Variants in CAT observed in about 807,000 individuals in gnomAD.
CAT encodes catalase.
A neutral mutation model predicts 59.0 loss-of-function variants in CAT; 43 were observed. That is an observed-to-expected ratio of 0.73 (90% CI 0.57 to 0.94). CAT has a LOEUF of 0.94. Ranked by LOEUF, CAT falls within the 40% of genes least tolerant of loss-of-function variation. CAT has a pLI of 0.00. For missense variants in CAT, 664 were observed against 682.9 expected (o/e 0.97, Z 0.31); for synonymous variants, 218 against 230.9 (o/e 0.94, Z 0.51).
intron 1 of CAT, among the ~76,000 whole-genome samples, chr11:34,445,845 T>C (rs1856447728): frequency 6.6e-6 from 1 of 152,224 alleles, no homozygotes; most frequent in South Asian, 2.1e-4. Flanking sequence ...ACGTGTTACA[T>C]GTAACAAGTA....
In CAT at chr11:34,452,100, A is replaced by G; in HGVS notation, c.373A>G (p.Thr125Ala). The G allele has an allele frequency of 1.9e-6, 3 of 1,613,934 alleles. No homozygotes were observed. Among genetic ancestry groups the G allele is most frequent in the Non-Finnish European group, 2.5e-6 (3 of 1,179,832 alleles). Residue 125 changes from threonine (T) to alanine (A), a missense_variant, in exon 4 of 13, where the codon ACA (threonine) becomes GCA (alanine). Coordinates refer to ENST00000241052, the MANE Select transcript of CAT (RefSeq NM_001752.4). ...TVAGESGSAD[T>A]VRDPRGFAVK... Reference sequence around the variant, plus strand: ...AGCTGGAGAATCGGGTTCAGCTGACACAGTTCGGGACCCTCGTGGGTTTGC... The same window carrying G: ...AGCTGGAGAATCGGGTTCAGCTGACGCAGTTCGGGACCCTCGTGGGTTTGC...
chr11:34,458,951 A>G (rs1307414008), intron 8 of CAT, among the ~76,000 whole-genome samples: 1 of 152,224 alleles, frequency 6.6e-6, no homozygotes, highest in Non-Finnish European at 1.5e-5. Flanking sequence ...TTCTGTTAGT[A>G]TTAATTTTAG....
At chr11:34,455,616 A>G (rs568762341) in intron 6 of CAT, among the ~76,000 whole-genome samples, 2 of 152,140 alleles carry the variant, frequency 1.3e-5, no homozygotes, top group African/African-American at 2.4e-5. Flanking sequence ...CTGTCATGAA[A>G]TGGAATTAAA....
chr11:34,440,297 TTC>T (rs1856373447), intron 1 of CAT, among the ~76,000 whole-genome samples: 2 of 152,220 alleles, frequency 1.3e-5, no homozygotes, highest in Admixed American at 1.3e-4. Flanking sequence ...CTTGGCCCTG[TTC>T]TTTGTTATAT....
chr11:34,450,633 T>C (rs768610895), intron 2 of CAT, among the ~76,000 whole-genome samples: 8 of 152,226 alleles, frequency 5.3e-5, no homozygotes, highest in Non-Finnish European at 1.2e-4. Context: ...CTTTCTCTTA[T>C]GTTTTCATCT....
rs958504593 is a variant in CAT, at chr11:34,466,889, A to G, written c.1327-1399A>G. On this transcript the variant is annotated intron_variant, in intron 10 of 12. Transcript: ENST00000241052. Reference sequence around the variant, plus strand: ...TGAATGGACATAACTAGAAAATGTAACAACTGAAATTAGAATTTAATAGAT... The same window carrying G: ...TGAATGGACATAACTAGAAAATGTAGCAACTGAAATTAGAATTTAATAGAT... 2.0e-5 allele frequency among the ~76,000 whole-genome samples: 3 copies of G among 152,158 alleles called. 1 individual carries two copies. The highest frequency in any genetic ancestry group is 4.4e-5 in the Non-Finnish European group (3 of 68,038).
intron 3 of CAT, among the ~76,000 whole-genome samples, chr11:34,451,393 T>G (rs1856522046): frequency 6.6e-6 from 1 of 152,244 alleles, no homozygotes; most frequent in Admixed American, 6.5e-5. Flanking sequence ...GTGGAAATCT[T>G]ATTTAATAAC....
intron 1 of CAT, among the ~76,000 whole-genome samples, chr11:34,446,851 C>T (rs1048697128): frequency 6.6e-6 from 1 of 151,928 alleles, no homozygotes; most frequent in Non-Finnish European, 1.5e-5. Context: ...AAGCGATTCT[C>T]CTGCCTCAGC....
At chr11:34,457,206 T>A in intron 8 of CAT, among the ~76,000 whole-genome samples, 2 of 104,010 alleles carry the variant, frequency 1.9e-5, no homozygotes, top group Admixed American at 1.1e-4. Flanking sequence ...TTCTTGTTCT[T>A]TTTTTTTTTT....
chr11:34,441,051 G>A (rs1856384477), intron 1 of CAT, among the ~76,000 whole-genome samples: 1 of 152,072 alleles, frequency 6.6e-6, no homozygotes, highest in Non-Finnish European at 1.5e-5. Context: ...GACATCTCAG[G>A]GCACTGTGTA....
chr11:34,445,625 G>A (rs752343218), intron 1 of CAT, among the ~76,000 whole-genome samples: 1 of 151,886 alleles, frequency 6.6e-6, no homozygotes, highest in Non-Finnish European at 1.5e-5. Flanking sequence ...AGGGTAGAGA[G>A]AGCAGTTCAG....
chr11:34,442,613 A>G (rs1296432246), intron 1 of CAT, among the ~76,000 whole-genome samples: 1 of 152,198 alleles, frequency 6.6e-6, no homozygotes, highest in Non-Finnish European at 1.5e-5. Flanking sequence ...AAAAGAAAAA[A>G]AAAGAAATGT....
intron 8 of CAT, among the ~76,000 whole-genome samples, chr11:34,458,928 A>C (rs1374213809): frequency 6.6e-6 from 1 of 152,262 alleles, no homozygotes; most frequent in East Asian, 1.9e-4. Flanking sequence ...TGACAAGTAG[A>C]AAGTAATATA....
At chr11:34,465,747 T>G (rs1289052351) in intron 10 of CAT, among the ~76,000 whole-genome samples, 1 of 152,232 alleles carries the variant, frequency 6.6e-6, no homozygotes. Flanking sequence ...TAAAAATGAT[T>G]CACTTGGGCT....
At chr11:34,448,701 G>A (rs1856487595) in intron 1 of CAT, among the ~76,000 whole-genome samples, 1 of 151,962 alleles carries the variant, frequency 6.6e-6, no homozygotes, top group Non-Finnish European at 1.5e-5. Context: ...AATAGCTGGT[G>A]TACATTTCTT....
At chr11:34,449,121 T>C (rs1179675030) in intron 1 of CAT, 71 bp from the exon 2 acceptor site, 1 of 1,303,000 alleles carries the variant, frequency 7.7e-7, no homozygotes, top group Non-Finnish European at 1.1e-6. Flanking sequence ...CAAAGCTATG[T>C]ACCCGTGACA....
At chr11:34,461,205 A>G in intron 8 of CAT, 46 bp from the exon 9 acceptor site, 2 of 1,604,108 alleles carry the variant, frequency 1.2e-6, no homozygotes, top group Non-Finnish European at 1.7e-6. Context: ...TTCCTATGTT[A>G]TATGTTACTG....
intron 10 of CAT, among the ~76,000 whole-genome samples, chr11:34,468,039 T>G (rs1856738916): frequency 1.3e-5 from 2 of 152,138 alleles, no homozygotes; most frequent in South Asian, 4.1e-4. Context: ...GTAGATCTAT[T>G]TATAAGAGAT....
intron 3 of CAT, 26 bp from the exon 4 acceptor site, chr11:34,452,051 T>G (rs1856528478): frequency 6.2e-7 from 1 of 1,613,656 alleles, no homozygotes; most frequent in Non-Finnish European, 8.5e-7. Flanking sequence ...TGGCTTATGC[T>G]TCCTGTTTCC....
Sources: gnomAD v4.1 joint callset for allele counts (sites outside exome capture counted in the v4.1 genomes callset) on GRCh38, gnomAD v4.1.1 for gene constraint, MANE v1.5 for transcripts, NCBI Gene and HGNC (gene_info 2026-07-23, HGNC 2026-07-21) for gene names.